Variants in NCOA2 observed in about 807,000 individuals in gnomAD.
NCOA2 encodes the protein class E basic helix-loop-helix protein 75.
A neutral mutation model predicts 145.1 loss-of-function variants in NCOA2; 21 were observed. That is an observed-to-expected ratio of 0.14 (90% CI 0.10 to 0.21). The LOEUF (loss-of-function observed/expected upper bound fraction) is 0.21, where lower values mean the gene tolerates loss of function less well. NCOA2 is among the 10% of genes least tolerant of loss of function. The pLI is 1.00. For missense variants in NCOA2, 1,472 were observed against 1,837.6 expected (o/e 0.80, Z 3.64); for synonymous variants, 619 against 637.5 (o/e 0.97, Z 0.44).
chr8:70,214,124 G>A, intron 3 of NCOA2, 49 bp from the exon 4 acceptor site: 1 of 1,533,116 alleles, frequency 6.5e-7, no homozygotes, highest in Non-Finnish European at 8.8e-7. Flanking sequence ...AAGAGCTATT[G>A]TGAAAAAAAT....
chr8:70,142,630 T>C (rs1480019294), intron 13 of NCOA2, among the ~76,000 whole-genome samples: 2 of 152,014 alleles, frequency 1.3e-5, no homozygotes, highest in African/African-American at 4.8e-5. Flanking sequence ...GCCTGGGAGG[T>C]TGAAGCTATG....
intron 16 of NCOA2, among the ~76,000 whole-genome samples, chr8:70,130,604 A>T (rs956451486): frequency 6.6e-6 from 1 of 152,170 alleles, no homozygotes; most frequent in African/African-American, 2.4e-5. Context: ...GCTGTTTTCA[A>T]TATGAATTGG....
At chr8:70,432,067 T>TTGA in the NCOA2 span, among the ~76,000 whole-genome samples, 1 of 152,230 alleles carries the variant, frequency 6.6e-6, no homozygotes, top group Admixed American at 6.5e-5. Context: ...AAACCAGTGG[T>TTGA]TGATAACCAT....
chr8:70,273,428 C>A, intron 2 of NCOA2: 6 of 724,938 alleles, frequency 8.3e-6, no homozygotes, highest in Non-Finnish European at 1.1e-5. Context: ...GGCAAAAGTG[C>A]CCATTGGTGG....
the NCOA2 span, among the ~76,000 whole-genome samples, chr8:70,445,391 A>G: frequency 6.6e-6 from 1 of 152,200 alleles, no homozygotes; most frequent in Non-Finnish European, 1.5e-5. Flanking sequence ...AGTTAACTGT[A>G]TAATCAATTT....
intron 4 of NCOA2, among the ~76,000 whole-genome samples, chr8:70,191,853 C>A (rs1281937122): frequency 6.6e-6 from 1 of 152,060 alleles, no homozygotes; most frequent in East Asian, 1.9e-4. Context: ...CCAGCCTGGC[C>A]AACATGGCGA....
intron 2 of NCOA2, among the ~76,000 whole-genome samples, chr8:70,244,598 C>G (rs990428982): frequency 5.9e-5 from 9 of 151,906 alleles, no homozygotes; most frequent in Non-Finnish European, 1.0e-4. Flanking sequence ...CAAAGCTCCC[C>G]TTTAAGCTTG....
At chr8:70,161,263 T>C (rs1812967401) in intron 9 of NCOA2, among the ~76,000 whole-genome samples, 1 of 152,206 alleles carries the variant, frequency 6.6e-6, no homozygotes, top group African/African-American at 2.4e-5. Flanking sequence ...AGGAATCAGG[T>C]TGTCAAAGAA....
chr8:70,321,271 T>C (rs1426314944), intron 1 of NCOA2, among the ~76,000 whole-genome samples: 5 of 152,170 alleles, frequency 3.3e-5, no homozygotes, highest in African/African-American at 1.2e-4. Context: ...ATGAGGGATA[T>C]GTTAATTAGC....
intron 1 of NCOA2, among the ~76,000 whole-genome samples, chr8:70,366,314 A>G (rs1416918762): frequency 6.6e-6 from 1 of 152,138 alleles, no homozygotes; most frequent in Non-Finnish European, 1.5e-5. Context: ...CTGTTAAAAG[A>G]GGGGGGAAAT....
At chr8:70,173,434 C>G (rs974335975) in intron 5 of NCOA2, among the ~76,000 whole-genome samples, 2 of 152,094 alleles carry the variant, frequency 1.3e-5, no homozygotes, top group Admixed American at 6.5e-5. Flanking sequence ...AAACATTTTC[C>G]AAAGGAAATT....
chr8:70,339,133 G>GGA (rs1182960585), intron 1 of NCOA2, among the ~76,000 whole-genome samples: 1 of 152,110 alleles, frequency 6.6e-6, no homozygotes, highest in Non-Finnish European at 1.5e-5. Context: ...TAGGAAGAAA[G>GGA]GAAGTCAAAT....
Position 70,233,665 on chromosome 8 carries a change from C to T in NCOA2, c.-19-16901G>A, listed in dbSNP as rs375348713. ...GTGTTTACCACAGTTAAAAATCACA[C>T]CCCTTCCGTGGTTCCTCCTTTAACC... On this transcript the variant is annotated intron_variant, in intron 2 of 22. Coordinates refer to ENST00000452400, the MANE Select transcript of NCOA2 (RefSeq NM_006540.4). Among the ~76,000 whole-genome samples the T allele has an allele frequency of 5.9e-5, 9 of 152,304 alleles. No individual in the cohort carries two copies. The East Asian group carries it at 1.2e-3, about 20-fold the overall frequency.
chr8:70,128,252 T>C (rs901816864), intron 18 of NCOA2, among the ~76,000 whole-genome samples, 181 bp downstream of exon 18: 21 of 152,248 alleles, frequency 1.4e-4, no homozygotes, highest in African/African-American at 5.1e-4. Flanking sequence ...TACCTGGCAA[T>C]AAAAATGGCA....
intron 16 of NCOA2, 118 bp downstream of exon 16, chr8:70,131,717 TAA>T: frequency 9.3e-7 from 1 of 1,079,412 alleles, no homozygotes; most frequent in Non-Finnish European, 1.3e-6. Context: ...TGTTTTGAGG[TAA>T]AAAAAACAAC....
At chr8:70,159,894 C>G (rs1386596833) in intron 9 of NCOA2, among the ~76,000 whole-genome samples, 2 of 152,100 alleles carry the variant, frequency 1.3e-5, no homozygotes, top group Admixed American at 6.5e-5. Flanking sequence ...GGAGTAAGAG[C>G]CTGGACCCTC....
the NCOA2 span, among the ~76,000 whole-genome samples, chr8:70,438,242 G>A: frequency 2.6e-5 from 4 of 152,076 alleles, no homozygotes; most frequent in Non-Finnish European, 4.4e-5. Flanking sequence ...CTCTATTTTT[G>A]TGTTGTTTTC....
At chr8:70,242,580 T>C (rs1233164156) in intron 2 of NCOA2, among the ~76,000 whole-genome samples, 9 of 152,144 alleles carry the variant, frequency 5.9e-5, no homozygotes, top group Admixed American at 2.0e-4. Flanking sequence ...TGAATGATAA[T>C]TTTTAGAGCA....
chr8:70,411,337 T>C, the NCOA2 span, among the ~76,000 whole-genome samples: 4 of 152,316 alleles, frequency 2.6e-5, no homozygotes, highest in African/African-American at 9.6e-5. Flanking sequence ...AGAACTGTCA[T>C]TATTTGCAGA....
Sources: gnomAD v4.1 joint callset for allele counts (sites outside exome capture counted in the v4.1 genomes callset) on GRCh38, gnomAD v4.1.1 for gene constraint, MANE v1.5 for transcripts, NCBI Gene and HGNC (gene_info 2026-07-23, HGNC 2026-07-21) for gene names.